Variants in CACNA1S observed in about 807,000 individuals in gnomAD.
The protein encoded by CACNA1S is voltage-dependent L-type calcium channel subunit alpha-1S.
CACNA1S carries 126 observed loss-of-function variants against 207.4 expected under a neutral mutation model. The ratio of observed to expected loss-of-function variants is 0.61; its 90% CI spans 0.53 to 0.70. The LOEUF is 0.70. Ranked by LOEUF, CACNA1S falls within the 30% of genes least tolerant of loss-of-function variation. The pLI, the probability that CACNA1S is intolerant of heterozygous loss-of-function variation, is 0.00. For missense variants in CACNA1S, 2,349 were observed against 2,422.8 expected (o/e 0.97, Z 0.64); for synonymous variants, 960 against 932.7 (o/e 1.03, Z -0.53).
intron 2 of CACNA1S, among the ~76,000 whole-genome samples, chr1:201,108,791 C>G (rs1662992881): frequency 6.6e-6 from 1 of 152,086 alleles, no homozygotes; most frequent in South Asian, 2.1e-4. Context: ...AAATATGCCT[C>G]CTCCCTCCCA....
chr1:201,043,043 AAG>A, intron 40 of CACNA1S: 1 of 512,462 alleles, frequency 2.0e-6, no homozygotes, highest in Non-Finnish European at 3.5e-6. Flanking sequence ...GACGGAATAA[AAG>A]AACCTCTCAA....
In CACNA1S at chr1:201,077,008, A is replaced by G; in HGVS notation, c.1739T>C (p.Leu580Pro). ...TTCAAAGTCATACCTCCCCCCAAAG[A>G]GCTGCATGCCCAGGAGGGCGAAGAT... ...IVIFALLGMQLFGGRYDFEDT... is the reference protein window; with the variant it reads ...IVIFALLGMQPFGGRYDFEDT... The change falls in exon 12 of 44, where the codon CTC (leucine) becomes CCC (proline). Residue 580 changes from leucine to proline, a missense_variant. By Grantham distance (98) the Leu-to-Pro change is moderately conservative. Coordinates refer to ENST00000362061, the MANE Select transcript of CACNA1S (RefSeq NM_000069.3). 1 of 1,614,202 alleles carries G rather than the reference A, an allele frequency of 6.2e-7. No individual in the cohort carries two copies. Among genetic ancestry groups the G allele is most frequent in the Non-Finnish European group, 8.5e-7 (1 of 1,180,046 alleles).
Position 201,074,586 on chromosome 1 carries a change from C to T in CACNA1S, c.1983G>A (p.Val661=), listed in dbSNP as rs763510435. The change falls in exon 14 of 44, where the codon GTG becomes GTA. Residue 661 remains valine, a synonymous_variant. Transcript: ENST00000362061. The part of the protein sequence containing the change: ...ILLNVFLAIA[V]DNLAEAESLT... ...GGCTCTCCGCCTCGGCCAGGTTGTC[C>T]ACGGCAATGGCCAGGAAGACATTGA... The T allele has an allele frequency of 3.3e-5, 53 of 1,613,716 alleles. No individual in the cohort carries two copies. The highest frequency in any genetic ancestry group is 4.5e-5 in the Non-Finnish European group (53 of 1,179,796).
chr1:201,084,277 A>G (rs942845563), intron 9 of CACNA1S, among the ~76,000 whole-genome samples: 2 of 152,202 alleles, frequency 1.3e-5, no homozygotes, highest in African/African-American at 2.4e-5. Flanking sequence ...GTAAAAAATC[A>G]AAACAAAAAC....
At chr1:201,071,248 CT>C (rs1024444955) in intron 16 of CACNA1S, among the ~76,000 whole-genome samples, 2 of 152,174 alleles carry the variant, frequency 1.3e-5, no homozygotes, top group African/African-American at 4.8e-5. Flanking sequence ...CTGGATTCTA[CT>C]GTCTCCATCA....
chr1:201,089,356 G>T lies in CACNA1S; in HGVS notation c.802C>A (p.Pro268Thr), dbSNP rs749517573. The change falls in exon 6 of 44, where the codon CCC (proline) becomes ACC (threonine). Residue 268 changes from proline (P) to threonine (T), a missense_variant. Coordinates refer to ENST00000362061, the MANE Select transcript of CACNA1S (RefSeq NM_000069.3). ...GSECRGGWPG[P>T]NHGITHFDNF... ...TCGAAGTGGGTGATGCCATGGTTGGGCCCTGGCCAGCCGCCCCGGCACTCA... is the reference window on the plus strand; with the variant it reads ...TCGAAGTGGGTGATGCCATGGTTGGTCCCTGGCCAGCCGCCCCGGCACTCA... 6.2e-7 allele frequency: 1 copy of T among 1,614,236 alleles called. No homozygotes were observed. The highest frequency in any genetic ancestry group is 1.3e-5 in the African/African-American group (1 of 75,054).
intron 22 of CACNA1S, among the ~76,000 whole-genome samples, chr1:201,063,351 G>A (rs186352238): frequency 2.0e-5 from 3 of 151,242 alleles, no homozygotes; most frequent in Non-Finnish European, 4.4e-5. Context: ...GTACAGTGGT[G>A]TGATCTCGGC....
chr1:201,064,426 G>A (rs991893536), intron 22 of CACNA1S, among the ~76,000 whole-genome samples: 5 of 152,252 alleles, frequency 3.3e-5, no homozygotes, highest in African/African-American at 1.2e-4. Flanking sequence ...GCTCCACGCT[G>A]CTGCTTCTCT....
intron 19 of CACNA1S, among the ~76,000 whole-genome samples, chr1:201,067,570 A>T (rs1326545402): frequency 6.6e-6 from 1 of 151,996 alleles, no homozygotes; most frequent in African/African-American, 2.4e-5. Flanking sequence ...GCATTCAGGG[A>T]CCTATATGAT....
Position 201,092,000 on chromosome 1 carries a change from T to A in CACNA1S, c.513A>T (p.Arg171Ser). 1 of 1,613,596 alleles carries A rather than the reference T, an allele frequency of 6.2e-7. No individual in the cohort carries two copies. The highest frequency in any genetic ancestry group is 1.3e-5 in the African/African-American group (1 of 74,854). Residue 171 changes from arginine to serine, a missense_variant, in exon 4 of 44, where the codon AGA becomes AGT. Physicochemically the swap from Arg to Ser is moderately radical, Grantham distance 110. Coordinates refer to ENST00000362061, the MANE Select transcript of CACNA1S (RefSeq NM_000069.3). Reference protein sequence around the residue: ...VKALRAFRVLRPLRLVSGVPS... With the variant: ...VKALRAFRVLSPLRLVSGVPS... ...GCACCCCCGACACCAGCCGGAGGGG[T>A]CTGAGCACTCGGAAGGCTCTGAGGG... is the stretch of plus-strand genomic sequence containing the variant.
In CACNA1S at chr1:201,073,092, C is replaced by T. The variant is rs1661478638; in HGVS notation, c.2158-268G>A. ...TTCACATACCCACTGCTTGGTTCTC[C>T]AGAAGGGAGTTGAGCTTCCCCAGGC... On this transcript the variant is annotated intron_variant, in intron 15 of 43. Transcript: ENST00000362061. Among the ~76,000 whole-genome samples, 4 of 152,340 alleles carry T rather than the reference C, an allele frequency of 2.6e-5. No homozygotes were observed. In the South Asian group the frequency reaches 8.3e-4, roughly 32 times the overall value.
chr1:201,059,119 G>T, intron 27 of CACNA1S, 70 bp downstream of exon 27: 1 of 954,500 alleles, frequency 1.0e-6, no homozygotes, highest in Non-Finnish European at 1.7e-6. Context: ...GGATGGGGGT[G>T]GATGTTCCAC....
At chr1:201,103,522 G>T (rs935069697) in intron 2 of CACNA1S, among the ~76,000 whole-genome samples, 5 of 152,186 alleles carry the variant, frequency 3.3e-5, no homozygotes, top group African/African-American at 1.2e-4. Flanking sequence ...GATGGGCGGG[G>T]GAGAATCTAA....
At chr1:201,080,742 G>T (rs548754584) in intron 10 of CACNA1S, among the ~76,000 whole-genome samples, 48 of 148,698 alleles carry the variant, frequency 3.2e-4, no homozygotes, top group African/African-American at 1.1e-3. Context: ...GTTTTTTTTT[G>T]TTGTTGTTTG....
At chr1:201,092,473 C>A (rs1292725366) in intron 3 of CACNA1S, among the ~76,000 whole-genome samples, 1 of 152,108 alleles carries the variant, frequency 6.6e-6, no homozygotes, top group African/African-American at 2.4e-5. Flanking sequence ...CAGTGGTGAC[C>A]CAGAGAAGAA....
chr1:201,070,493 T>C, intron 16 of CACNA1S, 89 bp from the exon 17 acceptor site: 1 of 1,575,524 alleles, frequency 6.3e-7, no homozygotes. Context: ...TAGGAGCCCC[T>C]GCAGCCAGTA....
In CACNA1S at chr1:201,066,762, G is replaced by A. The variant is rs925656793; in HGVS notation, c.2657+125C>T. Reference sequence around the variant, plus strand: ...ACCCACAGGACCCCCTGCCTCCATCGGAGGCCCCGAGAGACCCTCCTCTTG... The same window carrying A: ...ACCCACAGGACCCCCTGCCTCCATCAGAGGCCCCGAGAGACCCTCCTCTTG... On this transcript the variant is annotated intron_variant, in intron 20 of 43. Transcript: ENST00000362061. The surrounding 1 kb of genome is among the most constrained non-coding windows in gnomAD (Gnocchi z 4.3). 2.0e-5 allele frequency: 15 copies of A among 744,386 alleles called. No individual in the cohort carries two copies. Among genetic ancestry groups the A allele is most frequent in the African/African-American group, 1.0e-4 (6 of 57,400 alleles). 46.1% of individuals were successfully genotyped at this position (744,386 alleles called of 1,614,324 possible). A position where few individuals can be genotyped will look rare whatever the true frequency, so the allele number is the denominator to read the frequency against.
rs200765341 is a variant in CACNA1S at position 201,039,943 on chromosome 1, T to G, written c.5510A>C (p.Glu1837Ala). Reference protein sequence around the residue: ...IMATELLKGREAPEGMASSLG... With the variant: ...IMATELLKGRAAPEGMASSLG... Reference sequence around the variant, plus strand: ...GGAGCTGGCCATGCCCTCTGGGGCCTCTCGTCCTTTCAGTAGCTCTGTTGC... The same window carrying G: ...GGAGCTGGCCATGCCCTCTGGGGCCGCTCGTCCTTTCAGTAGCTCTGTTGC... The change falls in exon 44 of 44, where the codon GAG (glutamate) becomes GCG (alanine). Residue 1837 changes from glutamate to alanine, a missense_variant. Physicochemically the swap from Glu to Ala is moderately radical, Grantham distance 107. Coordinates refer to ENST00000362061, the MANE Select transcript of CACNA1S (RefSeq NM_000069.3). 1.2e-4 allele frequency: 189 copies of G among 1,614,152 alleles called. No individual in the cohort carries two copies. The Admixed American group carries it at 1.9e-3, about 17-fold the overall frequency.
intron 10 of CACNA1S, among the ~76,000 whole-genome samples, chr1:201,079,065 G>C (rs759937363): frequency 8.1e-5 from 12 of 148,608 alleles, no homozygotes; most frequent in Non-Finnish European, 1.5e-4. Context: ...AGGTTGCAGT[G>C]AGCCGAGATC....
Sources: gnomAD v4.1 joint callset for allele counts (sites outside exome capture counted in the v4.1 genomes callset) on GRCh38, gnomAD v4.1.1 for gene constraint, Gnocchi (gnomAD v3.1) non-coding constraint, MANE v1.5 for transcripts, NCBI Gene and HGNC (gene_info 2026-07-23, HGNC 2026-07-21) for gene names.